Variants in SPAG16 observed in about 807,000 individuals in gnomAD.
SPAG16 encodes the protein sperm-associated antigen 16 protein.
SPAG16 carries 86 observed loss-of-function variants against 80.4 expected under a neutral mutation model. That is an observed-to-expected ratio of 1.07 (90% confidence interval 0.90 to 1.28). The LOEUF (loss-of-function observed/expected upper bound fraction) is 1.28. Among genes scored for constraint, SPAG16 ranks in the 50% most tolerant of loss-of-function variants. The pLI, the probability that SPAG16 is intolerant of heterozygous loss-of-function variation, is 0.00. For synonymous variants in SPAG16, 294 were observed against 265.9 expected, an observed-to-expected ratio of 1.11 and a Z score of -1.03; for missense variants, 870 against 765.3, an observed-to-expected ratio of 1.14 and a Z score of -1.61.
intron 15 of SPAG16, among the ~76,000 whole-genome samples, chr2:214,151,398 G>C (rs2055966415): frequency 6.6e-6 from 1 of 151,956 alleles, no homozygotes; most frequent in African/African-American, 2.4e-5. Flanking sequence ...TTGAAATAAG[G>C]ATGGGGCACA....
At chr2:214,009,658 G>A (rs961951243) in intron 12 of SPAG16, among the ~76,000 whole-genome samples, 9 of 152,128 alleles carry the variant, frequency 5.9e-5, no homozygotes, top group African/African-American at 1.4e-4. Context: ...GTGATGCTAC[G>A]GGTATTGCAA....
At chr2:213,800,767 A>T (rs182472777) in intron 10 of SPAG16, among the ~76,000 whole-genome samples, 4 of 152,204 alleles carry the variant, frequency 2.6e-5, no homozygotes, top group Non-Finnish European at 4.4e-5. Context: ...ATTTGTAGTG[A>T]TGCTTTGTAT....
At chr2:214,178,490 G>A (rs1165414897) in intron 15 of SPAG16, among the ~76,000 whole-genome samples, 1 of 151,250 alleles carries the variant, frequency 6.6e-6, no homozygotes, top group Non-Finnish European at 1.5e-5. Flanking sequence ...TTACTCCAAA[G>A]CTAGAACTTG....
chr2:213,804,883 C>T (rs1417913640), intron 10 of SPAG16, among the ~76,000 whole-genome samples: 2 of 152,260 alleles, frequency 1.3e-5, no homozygotes, highest in East Asian at 3.9e-4. Flanking sequence ...CAATTCACGT[C>T]GTGCCTCTTA....
At chr2:214,034,874 C>T (rs765452596) in intron 13 of SPAG16, among the ~76,000 whole-genome samples, 1 of 152,210 alleles carries the variant, frequency 6.6e-6, no homozygotes, top group Non-Finnish European at 1.5e-5. Context: ...ATGTTTTAGC[C>T]TTGCTCATGT....
chr2:213,432,074 C>T (rs1420918495), intron 9 of SPAG16, among the ~76,000 whole-genome samples: 1 of 151,836 alleles, frequency 6.6e-6, no homozygotes, highest in African/African-American at 2.4e-5. Flanking sequence ...ATATCAAAAC[C>T]TTTGGGATAC....
At position 213,668,806 on chromosome 2, in the gene SPAG16, G is replaced by A. The variant is rs867792920; in HGVS notation, c.1070+178716G>A. ...TGGGATTACAGGTGTGTGCCACCACGCCCAGCTAATTTTTTGTATTTTTAG... is the reference window on the plus strand; with the variant it reads ...TGGGATTACAGGTGTGTGCCACCACACCCAGCTAATTTTTTGTATTTTTAG... On this transcript the variant is annotated intron_variant, in intron 10 of 15. Coordinates refer to ENST00000331683, the MANE Select transcript of SPAG16 (RefSeq NM_024532.5). Among the ~76,000 whole-genome samples the A allele has an allele frequency of 3.3e-5, 5 of 151,932 alleles. No homozygotes were observed. The South Asian group carries it at 1.0e-3, about 32-fold the overall frequency.
At chr2:213,966,133 C>T (rs1174761457) in intron 12 of SPAG16, among the ~76,000 whole-genome samples, 1 of 152,148 alleles carries the variant, frequency 6.6e-6, no homozygotes, top group South Asian at 2.1e-4. Flanking sequence ...GAGAAGAAAC[C>T]ATAGCACTAG....
chr2:213,297,027 A>C, intron 2 of SPAG16: 1 of 1,327,884 alleles, frequency 7.5e-7, no homozygotes, highest in South Asian at 1.3e-5. Context: ...TATAGATAAA[A>C]GCAGTTGCCC....
At chr2:214,003,437 G>C (rs868110508) in intron 12 of SPAG16, among the ~76,000 whole-genome samples, 2 of 152,274 alleles carry the variant, frequency 1.3e-5, no homozygotes, top group Middle Eastern at 3.4e-3. Flanking sequence ...TAGTATAATG[G>C]TTAAAAGAAC....
chr2:214,210,844 C>T (rs1276199235), intron 15 of SPAG16, among the ~76,000 whole-genome samples: 1 of 151,850 alleles, frequency 6.6e-6, no homozygotes, highest in African/African-American at 2.4e-5. Flanking sequence ...CGCGCGCACA[C>T]ACACACACAC....
intron 7 of SPAG16, among the ~76,000 whole-genome samples, chr2:213,363,421 G>A (rs952000872): frequency 2.0e-5 from 3 of 151,912 alleles, no homozygotes; most frequent in African/African-American, 7.2e-5. Context: ...TTACTATTCA[G>A]TGATAGTAGA....
chr2:214,162,716 G>A lies in SPAG16; in HGVS notation c.1720+13450G>A, dbSNP rs2056489675. Among the ~76,000 whole-genome samples, 3 of 151,852 alleles carry A rather than the reference G, an allele frequency of 2.0e-5. No individual in the cohort carries two copies. In the South Asian group the frequency reaches 6.2e-4, roughly 32 times the overall value. On this transcript the variant is annotated intron_variant, in intron 15 of 15. Transcript: ENST00000331683. ...AGCACAATACTGTTTTTGTTGCCGT[G>A]ATGTTCTAGTATTGTCTGCTTAATA...
Position 213,578,987 on chromosome 2 carries a change from A to G in SPAG16, c.1070+88897A>G, listed in dbSNP as rs1369985422. Among the ~76,000 whole-genome samples the G allele has an allele frequency of 5.3e-5, 8 of 152,224 alleles. No homozygotes were observed. The East Asian group carries it at 1.5e-3, about 29-fold the overall frequency. On this transcript the variant is annotated intron_variant, in intron 10 of 15. Coordinates refer to ENST00000331683, the MANE Select transcript of SPAG16 (RefSeq NM_024532.5). ...TTTAAGTGTTTCTCAGCATAAGGCAATTTTAAGAACTTGCATTGTTTTAAG... is the reference window on the plus strand; with the variant it reads ...TTTAAGTGTTTCTCAGCATAAGGCAGTTTTAAGAACTTGCATTGTTTTAAG...
At chr2:213,446,129 C>T (rs575187379) in intron 9 of SPAG16, among the ~76,000 whole-genome samples, 1 of 152,334 alleles carries the variant, frequency 6.6e-6, no homozygotes, top group South Asian at 2.1e-4. Context: ...GTTAAAGGAA[C>T]ATCAGCCCAC....
chr2:213,908,346 G>C (rs1432035154), intron 11 of SPAG16, among the ~76,000 whole-genome samples: 1 of 152,152 alleles, frequency 6.6e-6, no homozygotes, highest in Non-Finnish European at 1.5e-5. Context: ...CACCTGCCCT[G>C]TTTGGGGCAT....
chr2:213,831,515 G>T (rs2125717889), intron 10 of SPAG16, among the ~76,000 whole-genome samples: 1 of 151,820 alleles, frequency 6.6e-6, no homozygotes, highest in East Asian at 1.9e-4. Flanking sequence ...CTTCATGGTT[G>T]TCGTTGTTGT....
At chr2:214,184,936 A>C (rs1316835489) in intron 15 of SPAG16, among the ~76,000 whole-genome samples, 5 of 152,228 alleles carry the variant, frequency 3.3e-5, no homozygotes, top group African/African-American at 1.2e-4. Flanking sequence ...TTTGTCTTTA[A>C]AAATTTTTTT....
chr2:214,057,192 T>C (rs1418354739), intron 13 of SPAG16, among the ~76,000 whole-genome samples: 3 of 151,814 alleles, frequency 2.0e-5, no homozygotes, highest in African/African-American at 7.3e-5. Flanking sequence ...TTTTTTTTTT[T>C]TTTTACCTTT....
Sources: gnomAD v4.1 joint callset for allele counts (sites outside exome capture counted in the v4.1 genomes callset) on GRCh38, gnomAD v4.1.1 for gene constraint, MANE v1.5 for transcripts, NCBI Gene and HGNC (gene_info 2026-07-23, HGNC 2026-07-21) for gene names.